Variants in FNIP2 observed in about 807,000 individuals in gnomAD.
FNIP2 encodes the protein folliculin interacting protein 2, also known as folliculin-interacting protein 2.
Under a neutral mutation model 108.7 loss-of-function variants are expected in FNIP2, and 32 were observed. The ratio of observed to expected loss-of-function variants is 0.29; its 90% CI spans 0.22 to 0.40. FNIP2 has a LOEUF of 0.40. FNIP2 is among the 10% of genes least tolerant of loss of function. FNIP2 has a pLI of 1.00. For synonymous variants in FNIP2, 480 were observed against 496.7 expected (o/e 0.97, Z 0.45); for missense variants, 1,202 against 1,381.6 (o/e 0.87, Z 2.06).
intron 1 of FNIP2, among the ~76,000 whole-genome samples, chr4:158,782,522 T>G (rs970601098): frequency 7.2e-6 from 1 of 139,256 alleles, no homozygotes; most frequent in African/African-American, 2.7e-5. Flanking sequence ...GCTTCCTTTT[T>G]GTTTTTTTTT....
chr4:158,786,171 C>T (rs943826272), intron 1 of FNIP2, among the ~76,000 whole-genome samples: 20 of 152,226 alleles, frequency 1.3e-4, no homozygotes, highest in Admixed American at 5.9e-4. Context: ...CAGTCTCGTC[C>T]GGATTAATTA....
chr4:158,839,056 A>G (rs1421100410), intron 7 of FNIP2, among the ~76,000 whole-genome samples: 4 of 152,184 alleles, frequency 2.6e-5, no homozygotes, highest in Non-Finnish European at 5.9e-5. Flanking sequence ...GACTGTTAAT[A>G]TTGGCCTTGA....
rs768405354 is a variant in FNIP2, at chr4:158,877,799, C to T, written c.2949+7330C>T. ...AAATCTGAAGTAGAATTAGCAGGGG[C>T]GTGATGGCTGTGTGCCCAGGGTCCC... On this transcript the variant is annotated intron_variant, in intron 14 of 16. Coordinates refer to ENST00000264433, the MANE Select transcript of FNIP2 (RefSeq NM_020840.3). Among the ~76,000 whole-genome samples the T allele has an allele frequency of 5.9e-5, 9 of 152,082 alleles. No individual in the cohort carries two copies. The South Asian group carries it at 8.3e-4, about 14-fold the overall frequency.
intron 14 of FNIP2, among the ~76,000 whole-genome samples, chr4:158,878,706 T>TG (rs1390858195): frequency 1.3e-5 from 2 of 151,740 alleles, no homozygotes; most frequent in African/African-American, 4.8e-5. Flanking sequence ...TCATCATGAG[T>TG]GGAGGGCAAG....
intron 2 of FNIP2, among the ~76,000 whole-genome samples, chr4:158,828,058 G>C (rs1016837529): frequency 3.9e-5 from 6 of 152,136 alleles, no homozygotes; most frequent in African/African-American, 1.2e-4. Context: ...TCTGTAGGGA[G>C]TAATATGTTT....
intron 14 of FNIP2, among the ~76,000 whole-genome samples, chr4:158,889,089 G>A (rs1431891628): frequency 2.0e-5 from 3 of 152,022 alleles, no homozygotes. Context: ...CTACTTGGGA[G>A]GCTGAGGCAG....
rs542979976 is a variant in FNIP2, at chr4:158,894,953, C to G, written c.3151-797C>G. Among the ~76,000 whole-genome samples the G allele has an allele frequency of 2.0e-5, 3 of 152,192 alleles. No individual in the cohort carries two copies. The East Asian group carries it at 5.8e-4, about 29-fold the overall frequency. ...ATCTTTTTACCTTGAAAATAACAGG[C>G]CTAATGGTCTAGAAGAAAATTAGGT... On this transcript the variant is annotated intron_variant, in intron 15 of 16. Transcript: ENST00000264433.
chr4:158,799,400 T>C (rs894509036), intron 1 of FNIP2, among the ~76,000 whole-genome samples: 1 of 152,234 alleles, frequency 6.6e-6, no homozygotes, highest in Non-Finnish European at 1.5e-5. Context: ...TTGGGAGCAC[T>C]GAAAAGTGGT....
chr4:158,869,423 G>A lies in FNIP2; in HGVS notation c.2787G>A (p.Leu929=), dbSNP rs751863825. 3.1e-6 allele frequency: 5 copies of A among 1,595,534 alleles called. No homozygotes were observed. In the South Asian group the frequency reaches 4.5e-5, roughly 14 times the overall value. ...GGTCCTTGGAAGTGGAGCTGCCTCT[G>A]CCAAGGTAACTCCAGCAGGCTGGGA... ...TGGSLEVELP[L]PRSQSISTQN... Residue 929 remains leucine (L), a synonymous_variant, in exon 13 of 17, where the codon CTG becomes CTA. Coordinates refer to ENST00000264433, the MANE Select transcript of FNIP2 (RefSeq NM_020840.3).
chr4:158,859,988 C>T (rs1470707265), intron 10 of FNIP2, among the ~76,000 whole-genome samples: 1 of 152,154 alleles, frequency 6.6e-6, no homozygotes, highest in African/African-American at 2.4e-5. Context: ...ACTACTAACC[C>T]CATTTTACAG....
At chr4:158,782,187 A>T (rs1011243132) in intron 1 of FNIP2, among the ~76,000 whole-genome samples, 1 of 152,168 alleles carries the variant, frequency 6.6e-6, no homozygotes, top group African/African-American at 2.4e-5. Flanking sequence ...GGAGCCACTG[A>T]GGTTTTAAGT....
At chr4:158,858,918 T>A (rs1780136100) in intron 8 of FNIP2, 139 bp from the exon 9 acceptor site, 2 of 678,400 alleles carry the variant, frequency 2.9e-6, no homozygotes, top group Non-Finnish European at 5.1e-6. Flanking sequence ...GCCAGGGAAT[T>A]ATAGAAAAGA....
chr4:158,903,692 T>C (rs1729562120), intron 16 of FNIP2, among the ~76,000 whole-genome samples: 1 of 152,176 alleles, frequency 6.6e-6, no homozygotes, highest in African/African-American at 2.4e-5. Context: ...GTATGTAGCA[T>C]TACTGGAGAA....
intron 13 of FNIP2, 84 bp from the exon 14 acceptor site, chr4:158,870,229 T>A: frequency 7.1e-7 from 1 of 1,414,802 alleles, no homozygotes; most frequent in Non-Finnish European, 9.8e-7. Flanking sequence ...TTTACCTGTA[T>A]CATTGGAGTG....
chr4:158,812,760 A>C (rs1386889290), intron 1 of FNIP2, among the ~76,000 whole-genome samples: 2 of 151,752 alleles, frequency 1.3e-5, no homozygotes, highest in Non-Finnish European at 1.5e-5. Flanking sequence ...CCCAAAGTCC[A>C]TAGTTTGCAT....
intron 1 of FNIP2, among the ~76,000 whole-genome samples, chr4:158,777,164 A>G (rs1294912296): frequency 1.3e-5 from 2 of 152,210 alleles, no homozygotes; most frequent in Non-Finnish European, 2.9e-5. Context: ...AAGCTATGAA[A>G]TTGTTAGCTG....
In FNIP2 at chr4:158,861,474, G is replaced by A; in HGVS notation, c.1281G>A (p.Gln427=). The A allele has an allele frequency of 6.2e-7, 1 of 1,613,914 alleles. No homozygotes were observed. The highest frequency in any genetic ancestry group is 8.5e-7 in the Non-Finnish European group (1 of 1,179,882). The stretch of plus-strand genomic sequence containing the variant: ...AGGAGTTTACACTTCTGATAGAACA[G>A]ATAAATAAAAACCAGTAAGCTTCAA... The part of the protein sequence containing the change: ...FLKEFTLLIE[Q]INKNQFFAAL... The change falls in exon 11 of 17, where the codon CAG becomes CAA. Residue 427 remains glutamine (Q), a synonymous_variant. Coordinates refer to ENST00000264433, the MANE Select transcript of FNIP2 (RefSeq NM_020840.3).
At position 158,835,524 on chromosome 4, in the gene FNIP2, C is replaced by G. The variant is rs772512178; in HGVS notation, c.727+48C>G. The stretch of plus-strand genomic sequence containing the variant: ...TTTAACTAACAGAGTGAACTATCTA[C>G]AGTGGTGTGGAAGGTGGGAAAGTAG... On this transcript the variant is annotated intron_variant, in intron 7 of 16. Transcript: ENST00000264433. 2.6e-6 allele frequency: 4 copies of G among 1,551,164 alleles called. No homozygotes were observed. The Admixed American group carries it at 6.7e-5, about 26-fold the overall frequency.
intron 1 of FNIP2, among the ~76,000 whole-genome samples, chr4:158,778,580 C>T (rs1775932079): frequency 6.6e-6 from 1 of 151,946 alleles, no homozygotes; most frequent in East Asian, 1.9e-4. Flanking sequence ...AGATCACGTT[C>T]GCATAACTAT....
Sources: allele counts gnomAD v4.1 joint callset (sites outside exome capture counted in the v4.1 genomes callset), GRCh38; gene constraint gnomAD v4.1.1; transcripts MANE v1.5; gene names NCBI Gene and HGNC (gene_info 2026-07-23, HGNC 2026-07-21).